CSMD1: variants seen among roughly 807,000 people sequenced by gnomAD.
The protein encoded by CSMD1 is CUB and sushi domain-containing protein 1.
Under a neutral mutation model 417.5 loss-of-function variants are expected in CSMD1, and 213 were observed. The ratio of observed to expected loss-of-function variants is 0.51; its 90% CI spans 0.46 to 0.57. The LOEUF is 0.57. Among genes scored for constraint, CSMD1 ranks in the 20% least tolerant of loss-of-function variants. The pLI is 0.00. For missense variants in CSMD1, 6,923 were observed against 4,529.7 expected (o/e 1.53, Z -15.17); for synonymous variants, 2,862 against 1,736.8 (o/e 1.65, Z -16.11).
chr8:4,923,664 G>A (rs1714091494), intron 1 of CSMD1, among the ~76,000 whole-genome samples: 1 of 152,004 alleles, frequency 6.6e-6, no homozygotes, highest in Admixed American at 6.6e-5. Context: ...GTTCTCTCCT[G>A]GTATACCTAT....
chr8:4,604,661 C>G (rs1800774388), intron 2 of CSMD1, among the ~76,000 whole-genome samples: 1 of 152,136 alleles, frequency 6.6e-6, no homozygotes, highest in African/African-American at 2.4e-5. Flanking sequence ...CATCACCAAT[C>G]TGTTTATCCT....
chr8:4,573,927 G>T (rs1216795244), intron 2 of CSMD1, among the ~76,000 whole-genome samples: 3 of 152,142 alleles, frequency 2.0e-5, no homozygotes, highest in African/African-American at 7.2e-5. Flanking sequence ...CACTGTGAGG[G>T]GGAAACCACC....
chr8:3,969,331 G>T (rs2627457), intron 5 of CSMD1, among the ~76,000 whole-genome samples: 1 of 152,054 alleles, frequency 6.6e-6, no homozygotes, highest in African/African-American at 2.4e-5. Flanking sequence ...CCATGCTCTC[G>T]CTACTTGCTT....
At chr8:2,989,646 G>A (rs556500979) in intron 54 of CSMD1, among the ~76,000 whole-genome samples, 2 of 152,220 alleles carry the variant, frequency 1.3e-5, no homozygotes, top group African/African-American at 4.8e-5. Context: ...TAGTGGACCA[G>A]AGACAGTATC....
chr8:3,381,283 G>C (rs561826918), intron 18 of CSMD1, among the ~76,000 whole-genome samples: 1 of 151,568 alleles, frequency 6.6e-6, no homozygotes, highest in Non-Finnish European at 1.5e-5. Context: ...AAAAAAAAGA[G>C]AGCAGCTTAC....
At chr8:4,670,275 T>C (rs1226161855) in intron 1 of CSMD1, among the ~76,000 whole-genome samples, 8 of 152,214 alleles carry the variant, frequency 5.3e-5, no homozygotes, top group Non-Finnish European at 1.0e-4. Flanking sequence ...CTGGAAGCTC[T>C]CATTTGCCTC....
At chr8:4,350,207 T>C (rs908733036) in intron 3 of CSMD1, among the ~76,000 whole-genome samples, 1 of 152,134 alleles carries the variant, frequency 6.6e-6, no homozygotes, top group African/African-American at 2.4e-5. Context: ...ATTGCAAGGC[T>C]CTGTCAAGCG....
intron 2 of CSMD1, among the ~76,000 whole-genome samples, chr8:4,481,480 G>A (rs1036834089): frequency 2.6e-5 from 4 of 152,156 alleles, no homozygotes; most frequent in Non-Finnish European, 4.4e-5. Flanking sequence ...AGCATGGGAA[G>A]GCATATGAGA....
At chr8:3,359,600 G>C (rs60417307) in intron 20 of CSMD1, among the ~76,000 whole-genome samples, 13 of 151,642 alleles carry the variant, frequency 8.6e-5, no homozygotes, top group Admixed American at 8.5e-4. Context: ...TGGGAAGGGG[G>C]TGTATGGAGG....
intron 7 of CSMD1, among the ~76,000 whole-genome samples, chr8:3,638,047 G>A (rs911824696): frequency 6.6e-6 from 1 of 152,084 alleles, no homozygotes; most frequent in Non-Finnish European, 1.5e-5. Flanking sequence ...TCTCAGGTAT[G>A]TCCTTATAGG....
intron 3 of CSMD1, among the ~76,000 whole-genome samples, chr8:4,104,275 T>C (rs1801452366): frequency 6.6e-6 from 1 of 152,226 alleles, no homozygotes; most frequent in Non-Finnish European, 1.5e-5. Context: ...CTCCATCTTT[T>C]CTTTTGAGTT....
rs139791670 is a variant in CSMD1, at chr8:3,851,297, A to G, written c.819-97255T>C. On this transcript the variant is annotated intron_variant, in intron 5 of 69. Transcript: ENST00000635120. ...AAAGTCTTTAGGGACTGGTCTTTTC[A>G]TATTGACATTACACACATAAAAGTG... Among the ~76,000 whole-genome samples the G allele has an allele frequency of 2.9e-3, 440 of 152,344 alleles. 13 individuals carry two copies. The highest frequency in any genetic ancestry group is 8.2e-4 in the Non-Finnish European group (56 of 68,038).
At chr8:3,807,051 T>G (rs377495209) in intron 5 of CSMD1, among the ~76,000 whole-genome samples, 1 of 152,264 alleles carries the variant, frequency 6.6e-6, no homozygotes, top group African/African-American at 2.4e-5. Flanking sequence ...CTCACAAGTC[T>G]GGTAGCTTAA....
At chr8:3,365,559 C>T (rs542228296) in intron 20 of CSMD1, among the ~76,000 whole-genome samples, 1 of 152,146 alleles carries the variant, frequency 6.6e-6, no homozygotes, top group South Asian at 2.1e-4. Context: ...TGGAGATTTG[C>T]TACAACTTAA....
intron 5 of CSMD1, among the ~76,000 whole-genome samples, chr8:3,773,146 T>A (rs1047446375): frequency 2.0e-5 from 3 of 152,180 alleles, no homozygotes; most frequent in Non-Finnish European, 2.9e-5. Context: ...CTCCACCTTC[T>A]AATAGCATTA....
chr8:4,462,046 C>G (rs909307586), intron 2 of CSMD1, among the ~76,000 whole-genome samples: 2 of 151,726 alleles, frequency 1.3e-5, no homozygotes, highest in Admixed American at 6.6e-5. Flanking sequence ...GGCTGCTAAT[C>G]TTATTTTTTA....
intron 5 of CSMD1, among the ~76,000 whole-genome samples, chr8:3,798,760 A>AT (rs562458922): frequency 6.8e-4 from 103 of 152,002 alleles, no homozygotes; most frequent in Admixed American, 1.2e-3. Flanking sequence ...GTATTTAGAA[A>AT]TTTTTTTTAC....
chr8:3,207,241 G>T lies in CSMD1; in HGVS notation c.4868-1621C>A, dbSNP rs191845232. 2.9e-4 allele frequency among the ~76,000 whole-genome samples: 43 copies of T among 148,042 alleles called. 1 individual carries two copies. The East Asian group carries it at 7.8e-3, about 27-fold the overall frequency. On this transcript the variant is annotated intron_variant, in intron 30 of 69. Coordinates refer to ENST00000635120, the MANE Select transcript of CSMD1 (RefSeq NM_033225.6). ...AGCTCACTGCAACCTCCGCCACCCG[G>T]GTTCAAACGATTCTCTTGCCTCAGC...
chr8:4,107,571 T>C (rs1801632200), intron 3 of CSMD1, among the ~76,000 whole-genome samples: 1 of 152,224 alleles, frequency 6.6e-6, no homozygotes, highest in South Asian at 2.1e-4. Flanking sequence ...TGCTGGCTTC[T>C]AATTATAAGC....
Sources: allele counts gnomAD v4.1 joint callset (sites outside exome capture counted in the v4.1 genomes callset), GRCh38; gene constraint gnomAD v4.1.1; transcripts MANE v1.5; gene names NCBI Gene and HGNC (gene_info 2026-07-23, HGNC 2026-07-21).